The following TRPM3 variants were observed in gnomAD, a reference collection of about 807,000 sequenced individuals.
TRPM3 encodes transient receptor potential cation channel subfamily M member 3, also known as long transient receptor potential channel 3.
TRPM3 carries 77 observed loss-of-function variants against 181.2 expected under a neutral mutation model. That is an observed-to-expected ratio of 0.42 (90% confidence interval 0.35 to 0.51). The LOEUF (loss-of-function observed/expected upper bound fraction) is 0.51, where lower values mean the gene tolerates loss of function less well. Ranked by LOEUF, TRPM3 falls within the 20% of genes least tolerant of loss-of-function variation. The pLI, the probability that TRPM3 is intolerant of heterozygous loss-of-function variation, is 0.01. For synonymous variants in TRPM3, 745 were observed against 796.4 expected, an observed-to-expected ratio of 0.94 and a Z score of 1.09; for missense variants, 1,759 against 2,196.7, an observed-to-expected ratio of 0.80 and a Z score of 3.98.
intron 9 of TRPM3, among the ~76,000 whole-genome samples, chr9:70,658,981 A>G (rs779424094): frequency 6.6e-6 from 1 of 152,086 alleles, no homozygotes; most frequent in Non-Finnish European, 1.5e-5. Context: ...TGAGTTATTG[A>G]CAGCTTTTAA....
At chr9:71,255,947 A>T (rs1224275190) in intron 1 of TRPM3, among the ~76,000 whole-genome samples, 1 of 152,134 alleles carries the variant, frequency 6.6e-6, no homozygotes, top group Non-Finnish European at 1.5e-5. Context: ...GCCAACCAAG[A>T]GTGGGTGGTT....
intron 1 of TRPM3, among the ~76,000 whole-genome samples, chr9:71,212,301 GACTC>G (rs1408826716): frequency 1.3e-5 from 2 of 152,058 alleles, no homozygotes; most frequent in African/African-American, 4.8e-5. Context: ...CTTTTGTAGA[GACTC>G]ACTATGTTGT....
chr9:71,097,921 A>T (rs1325595506), intron 1 of TRPM3, among the ~76,000 whole-genome samples: 1 of 152,160 alleles, frequency 6.6e-6, no homozygotes, highest in Non-Finnish European at 1.5e-5. Flanking sequence ...AGGATCTATG[A>T]TTAAATCTGT....
chr9:70,657,996 G>A (rs930428146), intron 9 of TRPM3, among the ~76,000 whole-genome samples: 13 of 152,080 alleles, frequency 8.5e-5, no homozygotes, highest in Non-Finnish European at 1.6e-4. Context: ...ACCAGCCTAT[G>A]GGCCCCTATA....
At chr9:70,962,559 T>C (rs2097147242) in intron 1 of TRPM3, among the ~76,000 whole-genome samples, 1 of 152,174 alleles carries the variant, frequency 6.6e-6, no homozygotes, top group South Asian at 2.1e-4. Context: ...TTTCCCCCTA[T>C]CCATGAAAGA....
chr9:71,386,266 T>A (rs570398680), intron 1 of TRPM3, among the ~76,000 whole-genome samples: 1 of 151,610 alleles, frequency 6.6e-6, no homozygotes, highest in Admixed American at 6.6e-5. Flanking sequence ...CTGGCCAACA[T>A]GGTGAAACCC....
intron 1 of TRPM3, among the ~76,000 whole-genome samples, chr9:70,944,664 T>C (rs1008501118): frequency 5.7e-4 from 86 of 152,150 alleles, no homozygotes; most frequent in African/African-American, 2.0e-3. Context: ...CACCAGGAGA[T>C]ACTTGATTTA....
chr9:70,918,901 A>T (rs2096627891), intron 1 of TRPM3, among the ~76,000 whole-genome samples: 2 of 152,130 alleles, frequency 1.3e-5, no homozygotes, highest in Admixed American at 1.3e-4. Context: ...CAGAAAGATC[A>T]ATCATTTTTT....
chr9:71,014,008 T>C (rs546410072), intron 1 of TRPM3, among the ~76,000 whole-genome samples: 1 of 152,118 alleles, frequency 6.6e-6, no homozygotes, highest in Non-Finnish European at 1.5e-5. Flanking sequence ...GTTTTTGGAT[T>C]GGAAATTTTT....
chr9:71,077,085 C>G lies in TRPM3; in HGVS notation c.177+44093G>C, dbSNP rs574306300. Reference sequence around the variant, plus strand: ...TCAACTCCAGGCTGTAGAGCCCTCTCCTGTAGAGGTTCTAAATCCTGGCCA... The same window carrying G: ...TCAACTCCAGGCTGTAGAGCCCTCTGCTGTAGAGGTTCTAAATCCTGGCCA... On this transcript the variant is annotated intron_variant, in intron 1 of 25. Coordinates refer to ENST00000677713, the MANE Select transcript of TRPM3 (RefSeq NM_001366145.2). Among the ~76,000 whole-genome samples, 3 of 152,314 alleles carry G rather than the reference C, an allele frequency of 2.0e-5. No homozygotes were observed. The East Asian group carries it at 5.8e-4, about 29-fold the overall frequency.
intron 1 of TRPM3, among the ~76,000 whole-genome samples, chr9:70,935,750 C>A (rs1454422798): frequency 1.3e-5 from 2 of 152,170 alleles, no homozygotes; most frequent in Non-Finnish European, 2.9e-5. Context: ...TAGACAAAAT[C>A]TTGTTAATAT....
intron 1 of TRPM3, among the ~76,000 whole-genome samples, chr9:71,274,137 C>A (rs1423610257): frequency 6.6e-6 from 1 of 152,162 alleles, no homozygotes; most frequent in Non-Finnish European, 1.5e-5. Context: ...CTGCTCAAAG[C>A]CTCAGACCAC....
intron 1 of TRPM3, among the ~76,000 whole-genome samples, chr9:71,133,658 A>C (rs1217368130): frequency 6.6e-6 from 1 of 152,124 alleles, no homozygotes; most frequent in African/African-American, 2.4e-5. Flanking sequence ...TTTTTATATT[A>C]AGGACATTAA....
chr9:71,368,016 G>T (rs2092394567), intron 1 of TRPM3, among the ~76,000 whole-genome samples: 1 of 151,572 alleles, frequency 6.6e-6, no homozygotes, highest in Non-Finnish European at 1.5e-5. Context: ...GAGTGTATGT[G>T]TACACACACA....
intron 1 of TRPM3, among the ~76,000 whole-genome samples, chr9:71,259,547 G>C (rs867535487): frequency 3.0e-4 from 45 of 152,228 alleles, no homozygotes; most frequent in African/African-American, 1.0e-3. Flanking sequence ...ATCCTCTCCT[G>C]CATCTGTTAT....
chr9:71,044,262 A>C (rs543172588), intron 1 of TRPM3, among the ~76,000 whole-genome samples: 1 of 152,114 alleles, frequency 6.6e-6, no homozygotes, highest in Non-Finnish European at 1.5e-5. Flanking sequence ...TGGACTCTTA[A>C]AAGAAAAACA....
At chr9:70,935,412 G>C (rs1167548133) in intron 1 of TRPM3, among the ~76,000 whole-genome samples, 7 of 152,174 alleles carry the variant, frequency 4.6e-5, no homozygotes, top group Non-Finnish European at 1.0e-4. Flanking sequence ...AGTAAAGAAT[G>C]AATGCTTGGG....
At chr9:71,256,659 G>A (rs2082692656) in intron 1 of TRPM3, among the ~76,000 whole-genome samples, 1 of 152,156 alleles carries the variant, frequency 6.6e-6, no homozygotes, top group African/African-American at 2.4e-5. Flanking sequence ...GAATGCATGA[G>A]AGCCATGACC....
intron 1 of TRPM3, among the ~76,000 whole-genome samples, chr9:70,900,678 T>G (rs2096371844): frequency 6.6e-6 from 1 of 152,188 alleles, no homozygotes; most frequent in Non-Finnish European, 1.5e-5. Context: ...CTCCTCTTAC[T>G]TTTTTCCTGG....
Sources: gnomAD v4.1 joint callset for allele counts (sites outside exome capture counted in the v4.1 genomes callset) on GRCh38, gnomAD v4.1.1 for gene constraint, MANE v1.5 for transcripts, NCBI Gene and HGNC (gene_info 2026-07-23, HGNC 2026-07-21) for gene names.